The following MLLT10 variants were observed in gnomAD, a reference collection of about 807,000 sequenced individuals.
The protein encoded by MLLT10 is protein AF-10.
In MLLT10, 30 loss-of-function variants were observed where a neutral mutation model predicts 129.1. The observed-to-expected ratio is 0.23, with a 90% CI of 0.17 to 0.32. The LOEUF (loss-of-function observed/expected upper bound fraction) is 0.32. Ranked by LOEUF, MLLT10 falls within the 10% of genes least tolerant of loss-of-function variation. MLLT10 has a pLI of 1.00. For missense variants in MLLT10, 1,119 were observed against 1,268.3 expected (o/e 0.88, Z 1.79); for synonymous variants, 490 against 446.4 (o/e 1.10, Z -1.23).
intron 21 of MLLT10, 136 bp from the exon 22 acceptor site, chr10:21,739,894 A>G: frequency 2.9e-6 from 2 of 697,176 alleles, no homozygotes; most frequent in Non-Finnish European, 2.4e-6. Context: ...AGTGCAGCAT[A>G]TTTTTCTAGA....
At chr10:21,653,772 A>G (rs746535993) in intron 9 of MLLT10, among the ~76,000 whole-genome samples, 1 of 152,228 alleles carries the variant, frequency 6.6e-6, no homozygotes, top group Admixed American at 6.5e-5. Flanking sequence ...AGATATGCTG[A>G]CTAGCCAGTT....
At chr10:21,731,386 G>T (rs887650631) in intron 17 of MLLT10, among the ~76,000 whole-genome samples, 1 of 151,966 alleles carries the variant, frequency 6.6e-6, no homozygotes, top group Non-Finnish European at 1.5e-5. Flanking sequence ...CATGAAAAAT[G>T]TAAGGACCAC....
At chr10:21,706,069 A>G (rs908511419) in intron 13 of MLLT10, among the ~76,000 whole-genome samples, 2 of 152,098 alleles carry the variant, frequency 1.3e-5, no homozygotes, top group Admixed American at 1.3e-4. Flanking sequence ...ATTGGTTGTT[A>G]GTTTTTTGTT....
At chr10:21,712,294 A>G (rs1040828085) in intron 13 of MLLT10, among the ~76,000 whole-genome samples, 1 of 152,034 alleles carries the variant, frequency 6.6e-6, no homozygotes, top group Non-Finnish European at 1.5e-5. Flanking sequence ...GTTCACTACA[A>G]CCTTGAACTT....
intron 3 of MLLT10, among the ~76,000 whole-genome samples, chr10:21,542,171 G>T (rs1375848572): frequency 6.6e-6 from 1 of 152,166 alleles, no homozygotes. Context: ...GTGTCAGAAT[G>T]CCAGCATCAT....
intron 17 of MLLT10, 124 bp from the exon 18 acceptor site, chr10:21,732,775 G>C: frequency 1.3e-6 from 1 of 757,838 alleles, no homozygotes; most frequent in Non-Finnish European, 1.9e-6. Flanking sequence ...TTATCATTTA[G>C]AAACACTTTA....
intron 3 of MLLT10, among the ~76,000 whole-genome samples, chr10:21,565,956 T>C (rs1465885745): frequency 7.1e-6 from 1 of 139,992 alleles, no homozygotes; most frequent in African/African-American, 2.7e-5. Context: ...TTTTTTTTTT[T>C]TTTTTTTTTT....
intron 21 of MLLT10, among the ~76,000 whole-genome samples, chr10:21,736,730 A>C (rs1394027551): frequency 6.6e-6 from 1 of 152,240 alleles, no homozygotes; most frequent in Non-Finnish European, 1.5e-5. Flanking sequence ...TCATGGACAC[A>C]CTAAGCTTGA....
intron 9 of MLLT10, 72 bp from the exon 10 acceptor site, chr10:21,670,377 T>G: frequency 7.1e-7 from 1 of 1,406,640 alleles, no homozygotes. Flanking sequence ...CTTATTAATG[T>G]GGCACCCATT....
At position 21,713,835 on chromosome 10, in the gene MLLT10, G is replaced by T; in HGVS notation, c.1763G>T (p.Ser588Ile). The change falls in exon 14 of 23, where the codon AGT becomes ATT. Residue 588 changes from serine to isoleucine, a missense_variant. By Grantham distance (142) the Ser-to-Ile change is moderately radical (BLOSUM62 -2). Around this residue, in one of 5 missense-constraint regions of MLLT10, gnomAD observed 1,004 missense variants for 1,008.7 expected, o/e 1.00. Coordinates refer to ENST00000307729, the MANE Select transcript of MLLT10 (RefSeq NM_001195626.3). ...FPNVVSGSGSSTPVSSSHLPQ... is the reference protein window; with the variant it reads ...FPNVVSGSGSITPVSSSHLPQ... The stretch of plus-strand genomic sequence containing the variant: ...AATGTAGTATCTGGCTCGGGATCTA[G>T]TACTCCTGTCTCCAGCTCTCACTTA... The T allele has an allele frequency of 6.2e-7, 1 of 1,614,056 alleles. No individual in the cohort carries two copies.
intron 10 of MLLT10, among the ~76,000 whole-genome samples, chr10:21,671,280 G>A (rs895153219): frequency 2.0e-5 from 3 of 152,204 alleles, no homozygotes; most frequent in Non-Finnish European, 2.9e-5. Flanking sequence ...GCCTCCCAAA[G>A]TGCTAGGATT....
intron 8 of MLLT10, among the ~76,000 whole-genome samples, chr10:21,632,098 T>C (rs2047064970): frequency 6.6e-6 from 1 of 152,152 alleles, no homozygotes; most frequent in Non-Finnish European, 1.5e-5. Flanking sequence ...CTTGCTTAAA[T>C]AAATAACTTG....
chr10:21,556,058 C>T (rs780945671), intron 3 of MLLT10, among the ~76,000 whole-genome samples: 24 of 151,572 alleles, frequency 1.6e-4, no homozygotes, highest in Non-Finnish European at 2.9e-4. Context: ...TCACTGCAAC[C>T]TTCGCCTCCC....
At chr10:21,692,454 A>G (rs76981781) in intron 13 of MLLT10, among the ~76,000 whole-genome samples, 1 of 150,610 alleles carries the variant, frequency 6.6e-6, no homozygotes, top group East Asian at 2.0e-4. Context: ...ACAGGCATGA[A>G]CCACCGCGCC....
intron 8 of MLLT10, among the ~76,000 whole-genome samples, chr10:21,626,502 C>G (rs776269883): frequency 2.0e-5 from 3 of 152,142 alleles, no homozygotes; most frequent in Non-Finnish European, 4.4e-5. Context: ...AACCCAGCCT[C>G]ATGAAAGCTG....
chr10:21,538,112 T>C (rs1473718829), intron 2 of MLLT10, among the ~76,000 whole-genome samples: 1 of 151,674 alleles, frequency 6.6e-6, no homozygotes, highest in Non-Finnish European at 1.5e-5. Context: ...GTCAGCCTCC[T>C]GAGTAGCTGG....
At chr10:21,580,276 C>T (rs2041260077) in intron 3 of MLLT10, among the ~76,000 whole-genome samples, 1 of 151,806 alleles carries the variant, frequency 6.6e-6, no homozygotes, top group South Asian at 2.1e-4. Context: ...CATTTAGTGA[C>T]ATTTTTCCGT....
intron 10 of MLLT10, among the ~76,000 whole-genome samples, chr10:21,672,529 A>T (rs574138730): frequency 4.6e-4 from 70 of 151,210 alleles, no homozygotes; most frequent in Non-Finnish European, 1.2e-4. Flanking sequence ...CTGGTCTTGA[A>T]CTCCTGACCT....
intron 3 of MLLT10, among the ~76,000 whole-genome samples, chr10:21,560,205 A>G (rs978780078): frequency 6.6e-6 from 1 of 152,056 alleles, no homozygotes; most frequent in Non-Finnish European, 1.5e-5. Context: ...GGGTTTCTCC[A>G]TGTTGGTCAG....
Sources: allele counts gnomAD v4.1 joint callset (sites outside exome capture counted in the v4.1 genomes callset), GRCh38; gene constraint gnomAD v4.1.1; regional missense constraint gnomAD v4.1.1; transcripts MANE v1.5; gene names NCBI Gene and HGNC (gene_info 2026-07-23, HGNC 2026-07-21).